The following C17orf58 variants were observed in gnomAD, a reference collection of about 807,000 sequenced individuals.
The protein encoded by C17orf58 is UPF0450 protein C17orf58.
In C17orf58, 5 loss-of-function variants were observed where a neutral mutation model predicts 7.4. That is an observed-to-expected ratio of 0.67 (90% CI 0.35 to 1.42). C17orf58 has a LOEUF of 1.42. Ranked by LOEUF, C17orf58 falls within the 40% of genes most tolerant of loss-of-function variation. The pLI is 0.04. For synonymous variants in C17orf58, 60 were observed against 70.6 expected, an observed-to-expected ratio of 0.85 and a Z score of 0.75; for missense variants, 162 against 174.2, an observed-to-expected ratio of 0.93 and a Z score of 0.40.
At chr17:67,994,516 G>GTGTATATATATATA (rs1244199425) in intron 1 of C17orf58, among the ~76,000 whole-genome samples, 13 of 89,534 alleles carry the variant, frequency 1.5e-4, no homozygotes, top group African/African-American at 4.9e-4. Context: ...GTGTGTGTGT[G>GTGTATATATATATA]TATATATATA....
At chr17:67,995,833 C>G (rs1242551151) in intron 1 of C17orf58, among the ~76,000 whole-genome samples, 1 of 152,260 alleles carries the variant, frequency 6.6e-6, no homozygotes, top group African/African-American at 2.4e-5. Flanking sequence ...TTGACACTTT[C>G]CCTCCTCCGT....
intron 1 of C17orf58, among the ~76,000 whole-genome samples, chr17:67,995,062 C>G (rs1555699682): frequency 1.3e-5 from 2 of 152,330 alleles, no homozygotes; most frequent in South Asian, 4.1e-4. Context: ...CAGGCAAGAA[C>G]TAGCCTTTAT....
rs1555699458 is a variant in C17orf58 at position 67,993,318 on chromosome 17, G to A, written c.638-83C>T. On this transcript the variant is annotated intron_variant, in intron 2 of 3. Transcript: ENST00000580729. This position sits in a 1 kb window ranked among gnomAD's most constrained non-coding sequence, Gnocchi z 5.1. Reference sequence around the variant, plus strand: ...CCAGGAGGTGGTTTTTAGCAACCGCGAAACGGCCCGCACGGGTCAGGCGCC... The same window carrying A: ...CCAGGAGGTGGTTTTTAGCAACCGCAAAACGGCCCGCACGGGTCAGGCGCC... 3.6e-6 allele frequency: 3 copies of A among 840,640 alleles called. No homozygotes were observed. The highest frequency in any genetic ancestry group is 2.8e-5 in the Admixed American group (1 of 36,148). The allele number at this position is 840,640 out of a possible 1,614,324, so 52.1% of individuals were successfully genotyped here. A position where few individuals can be genotyped will look rare whatever the true frequency, so the allele number is the denominator to read the frequency against.
rs1329267655 is a variant in C17orf58 at position 67,993,488 on chromosome 17, C to A, written c.573G>T (p.Glu191Asp). The change falls in exon 2 of 4, where the codon GAG (glutamate) becomes GAT (aspartate). Residue 191 changes from glutamate (E) to aspartate (D), a missense_variant. This residue lies in a region of C17orf58 where 93 missense variants were observed against 90.4 expected (regional missense o/e 1.03). Coordinates refer to ENST00000580729, the MANE Select transcript of C17orf58 (RefSeq NM_001382359.1). The surrounding 1 kb of genome is among the most constrained non-coding windows in gnomAD (Gnocchi z 5.1). ...PPQRDAEPGA[E>D]PCARACRSDL... is the part of the protein sequence containing the mutation. Reference sequence around the variant, plus strand: ...CGGACCGGCAGGCGCGCGCGCAGGGCTCAGCGCCGGGCTCCGCGTCCCTCT... The same window carrying A: ...CGGACCGGCAGGCGCGCGCGCAGGGATCAGCGCCGGGCTCCGCGTCCCTCT... 14 of 415,254 alleles carry A rather than the reference C, an allele frequency of 3.4e-5. No individual in the cohort carries two copies. The highest frequency in any genetic ancestry group is 5.9e-5 in the Non-Finnish European group (14 of 237,556). 25.7% of individuals were successfully genotyped at this position (415,254 alleles called of 1,614,324 possible).
chr17:67,992,950 A>C, intron 3 of C17orf58, 94 bp downstream of exon 3: 1 of 1,614,168 alleles, frequency 6.2e-7, no homozygotes, highest in Non-Finnish European at 8.5e-7. Flanking sequence ...CTCCCAAAAA[A>C]AGGCTGGGCG....
chr17:67,993,654 G>C lies in C17orf58; in HGVS notation c.407C>G (p.Ala136Gly), dbSNP rs2070863318. The C allele has an allele frequency of 6.8e-6, 1 of 146,276 alleles. No individual in the cohort carries two copies. Among genetic ancestry groups the C allele is most frequent in the Admixed American group, 6.8e-5 (1 of 14,644 alleles). The allele number at this position is 146,276 out of a possible 1,614,324, so 9.1% of individuals were successfully genotyped here. A position where few individuals can be genotyped will look rare whatever the true frequency, so the allele number is the denominator to read the frequency against. The change falls in exon 2 of 4, where the codon GCC (alanine) becomes GGC (glycine). Residue 136 changes from alanine to glycine, a missense_variant. Around this residue, in one of 3 missense-constraint regions of C17orf58, gnomAD observed 93 missense variants for 90.4 expected, o/e 1.03. Transcript: ENST00000580729. This position sits in a 1 kb window ranked among gnomAD's most constrained non-coding sequence, Gnocchi z 5.1. ...RARSRALRFP[A>G]ARPPALATEG... ...GGTGGCGAGCGCGGGCGGCCGGGCGGCGGGGAAGCGCAGGGCCCGTGAGCG... is the reference window on the plus strand; with the variant it reads ...GGTGGCGAGCGCGGGCGGCCGGGCGCCGGGGAAGCGCAGGGCCCGTGAGCG...
In C17orf58 at chr17:67,991,964, A is replaced by T. The variant is rs781861396; in HGVS notation, c.969T>A (p.Asn323Lys). Residue 323 changes from asparagine to lysine, a missense_variant, in exon 4 of 4, where the codon AAT (asparagine) becomes AAA (lysine). Physicochemically the swap from Asn to Lys is moderately conservative, Grantham distance 94. This residue lies in a region of C17orf58 where 65 missense variants were observed against 66.4 expected (regional missense o/e 0.98). Transcript: ENST00000580729. ...CTTGAATCTGCCCTTCCCTTTTTCG[A>T]TTAAACCTTTTCACATAGCTGCTGC... ...RSSSSYVKRFNRKREGQIQGA... is the reference protein window; with the variant it reads ...RSSSSYVKRFKRKREGQIQGA... The T allele has an allele frequency of 5.6e-6, 9 of 1,612,020 alleles. No individual in the cohort carries two copies. In the Admixed American group the frequency reaches 6.7e-5, roughly 12 times the overall value.
chr17:67,993,158 C>G lies in C17orf58; in HGVS notation c.715G>C (p.Gly239Arg), dbSNP rs782220822. 3.6e-5 allele frequency: 58 copies of G among 1,613,546 alleles called. No individual in the cohort carries two copies. Among genetic ancestry groups the G allele is most frequent in the Non-Finnish European group, 4.2e-5 (50 of 1,179,638 alleles). ...TACAGGCGGTTCATCTTGTACAGCC[C>G]GTCCCGATCCACCAGCAGGGTCACC... Reference protein sequence around the residue: ...RLVTLLVDRDGLYKMNRLYLT... With the variant: ...RLVTLLVDRDRLYKMNRLYLT... The change falls in exon 3 of 4, where the codon GGG (glycine) becomes CGG (arginine). Residue 239 changes from glycine to arginine, a missense_variant. Transcript: ENST00000580729. This position sits in a 1 kb window ranked among gnomAD's most constrained non-coding sequence, Gnocchi z 5.1.
chr17:67,993,844 G>T lies in C17orf58; in HGVS notation c.217C>A (p.Pro73Thr). 3.0e-6 allele frequency: 1 copy of T among 329,048 alleles called. No homozygotes were observed. Among genetic ancestry groups the T allele is most frequent in the Non-Finnish European group, 5.4e-6 (1 of 184,296 alleles). 20.4% of individuals were successfully genotyped at this position (329,048 alleles called of 1,614,324 possible). Residue 73 changes from proline to threonine, a missense_variant, in exon 2 of 4, where the codon CCT becomes ACT. By Grantham distance (38) the Pro-to-Thr change is conservative. Transcript: ENST00000580729. The surrounding 1 kb of genome is among the most constrained non-coding windows in gnomAD (Gnocchi z 5.1). Reference protein sequence around the residue: ...AEVAPAARAWPDPRRRKPPPP... With the variant: ...AEVAPAARAWTDPRRRKPPPP... ...GGGGGCTTCCGGCGGCGCGGGTCAG[G>T]CCAGGCGCGGGCGGCGGGAGCGACC... is the stretch of plus-strand genomic sequence containing the variant.
chr17:67,993,255 T>G lies in C17orf58; in HGVS notation c.638-20A>C. 1 of 1,456,336 alleles carries G rather than the reference T, an allele frequency of 6.9e-7. No homozygotes were observed. The highest frequency in any genetic ancestry group is 9.4e-7 in the Non-Finnish European group (1 of 1,067,846). The allele number at this position is 1,456,336 out of a possible 1,614,324, so 90.2% of individuals were successfully genotyped here. On this transcript the variant is annotated intron_variant, in intron 2 of 3. Transcript: ENST00000580729. The surrounding 1 kb of genome is among the most constrained non-coding windows in gnomAD (Gnocchi z 5.1). ...TCACCGCTGCTTCCGAAAAACAGTTTGGAGAAGAGCATTACCCCGAGTTCC... is the reference window on the plus strand; with the variant it reads ...TCACCGCTGCTTCCGAAAAACAGTTGGGAGAAGAGCATTACCCCGAGTTCC...
Position 67,991,802 on chromosome 17 carries a change from G to A in C17orf58, c.*111C>T, listed in dbSNP as rs1368389968. 5.1e-5 allele frequency: 43 copies of A among 838,136 alleles called. No homozygotes were observed. The Admixed American group carries it at 1.2e-3, about 23-fold the overall frequency. 51.9% of individuals were successfully genotyped at this position (838,136 alleles called of 1,614,324 possible). ...TGCAGCTATGCAAGTCATTCACAGA[G>A]TAGCTGAGGGCTCTCTTCTGAAGGA... On this transcript the variant is annotated 3_prime_UTR_variant, in exon 4 of 4. Transcript: ENST00000580729.
chr17:67,993,396 G>GA lies in C17orf58; in HGVS notation c.637+27_637+28insT, dbSNP rs2070857505. 1.7e-6 allele frequency: 1 copy of GA among 580,496 alleles called. No homozygotes were observed. 36.0% of individuals were successfully genotyped at this position (580,496 alleles called of 1,614,324 possible). A position where few individuals can be genotyped will look rare whatever the true frequency, so the allele number is the denominator to read the frequency against. On this transcript the variant is annotated intron_variant, in intron 2 of 3. Transcript: ENST00000580729. This position sits in a 1 kb window ranked among gnomAD's most constrained non-coding sequence, Gnocchi z 5.1. ...GGCTCGGAAAGGCTCGCGGGGCGGC[G>GA]GGGCGGCGGCGCGGCGGCCGGGCTC...
chr17:67,994,516 G>GTGTGTGTGTGTATATATATATA (rs1244199425), intron 1 of C17orf58, among the ~76,000 whole-genome samples: 24 of 89,528 alleles, frequency 2.7e-4, no homozygotes, highest in African/African-American at 8.6e-4. Flanking sequence ...GTGTGTGTGT[G>GTGTGTGTGTGTATATATATATA]TATATATATA....
chr17:67,994,535 T>TATATATAA (rs71142122), intron 1 of C17orf58, among the ~76,000 whole-genome samples: 1,684 of 99,962 alleles, frequency 0.017, 52 homozygotes, highest in Non-Finnish European at 0.024. Flanking sequence ...TATATATATA[T>TATATATAA]AAAACATATA....
At chr17:67,996,066 G>T in intron 1 of C17orf58, 57 bp downstream of exon 1, 1 of 398,640 alleles carries the variant, frequency 2.5e-6, no homozygotes. Context: ...CTCCTTCCCA[G>T]CTCCCCCCCA....
chr17:67,993,449 G>C lies in C17orf58; in HGVS notation c.612C>G (p.Arg204=). 1.8e-6 allele frequency: 1 copy of C among 545,546 alleles called. No homozygotes were observed. Among genetic ancestry groups the C allele is most frequent in the Non-Finnish European group, 3.2e-6 (1 of 311,654 alleles). The allele number at this position is 545,546 out of a possible 1,614,324, so 33.8% of individuals were successfully genotyped here. ...ARACRSDLDE[R]EAFCESEFAV... ...CGAATTCGCTCTCGCAGAACGCCTC[G>C]CGTTCGTCCAGATCGGACCGGCAGG... The change falls in exon 2 of 4, where the codon CGC becomes CGG. Residue 204 remains arginine, a synonymous_variant. Transcript: ENST00000580729. The surrounding 1 kb of genome is among the most constrained non-coding windows in gnomAD (Gnocchi z 5.1).
intron 1 of C17orf58, among the ~76,000 whole-genome samples, chr17:67,994,508 G>GTATATATATATATA (rs1401650060): frequency 0.018 from 1,004 of 55,402 alleles, 14 homozygotes; most frequent in Non-Finnish European, 0.024. Context: ...GTGTGTGTGT[G>GTATATATATATATA]TGTGTGTGTA....
Position 67,996,418 on chromosome 17 carries a change from A to T in C17orf58, c.-220T>A. On this transcript the variant is annotated 5_prime_UTR_variant, in exon 1 of 4. Coordinates refer to ENST00000580729, the MANE Select transcript of C17orf58 (RefSeq NM_001382359.1). ...GGAGGACGAGCACATGGCCTTGCAA[A>T]GTTGTCCCCGGGAATGTCTGTCCTG... 1 of 357,018 alleles carries T rather than the reference A, an allele frequency of 2.8e-6. No homozygotes were observed. The highest frequency in any genetic ancestry group is 5.0e-6 in the Non-Finnish European group (1 of 200,522). The allele number at this position is 357,018 out of a possible 1,614,324, so 22.1% of individuals were successfully genotyped here.
chr17:67,994,535 T>TATATATATATATATATATAAAA (rs71142122), intron 1 of C17orf58, among the ~76,000 whole-genome samples: 13 of 100,264 alleles, frequency 1.3e-4, no homozygotes, highest in Non-Finnish European at 1.8e-4. Flanking sequence ...TATATATATA[T>TATATATATATATATATATAAAA]AAAACATATA....
Sources: gnomAD v4.1 joint callset for allele counts (sites outside exome capture counted in the v4.1 genomes callset) on GRCh38, gnomAD v4.1.1 for gene constraint, gnomAD v4.1.1 regional missense constraint, Gnocchi (gnomAD v3.1) non-coding constraint, MANE v1.5 for transcripts, NCBI Gene and HGNC (gene_info 2026-07-23, HGNC 2026-07-21) for gene names.